The following COTL1 variants were observed in gnomAD, a reference collection of about 807,000 sequenced individuals.
COTL1 encodes the protein coactosin-like protein.
Under a neutral mutation model 16.5 loss-of-function variants are expected in COTL1, and 15 were observed. The ratio of observed to expected loss-of-function variants is 0.91; its 90% CI spans 0.61 to 1.40. The LOEUF (loss-of-function observed/expected upper bound fraction) is 1.40. Ranked by LOEUF, COTL1 falls within the 40% of genes most tolerant of loss-of-function variation. COTL1 has a pLI of 0.00. For synonymous variants in COTL1, 112 were observed against 85.3 expected (o/e 1.31, Z -1.73); for missense variants, 220 against 201.5 (o/e 1.09, Z -0.56).
intron 2 of COTL1, chr16:84,595,381 G>C (rs1904976725): frequency 6.6e-6 from 1 of 152,246 alleles, no homozygotes; most frequent in South Asian, 2.1e-4. Context: ...CTGAGTCGGA[G>C]ACGGAAAACC....
At chr16:84,597,318 A>AG (rs1360353387) in intron 2 of COTL1, among the ~76,000 whole-genome samples, 6 of 152,194 alleles carry the variant, frequency 3.9e-5, no homozygotes, top group African/African-American at 1.4e-4. Context: ...CTCCTCTGTG[A>AG]GGGCAGCACA....
At chr16:84,592,097 C>T (rs1387382530) in intron 2 of COTL1, among the ~76,000 whole-genome samples, 4 of 152,200 alleles carry the variant, frequency 2.6e-5, no homozygotes, top group Non-Finnish European at 5.9e-5. Context: ...AAAAATGCCT[C>T]CATACATTGC....
At chr16:84,582,092 A>G (rs1383526591) in intron 3 of COTL1, among the ~76,000 whole-genome samples, 1 of 147,368 alleles carries the variant, frequency 6.8e-6, no homozygotes, top group African/African-American at 2.5e-5. Context: ...GGTTCAAGCA[A>G]TTCTCGTGCC....
chr16:84,590,194 C>A lies in COTL1; in HGVS notation c.229G>T (p.Ala77Ser). Residue 77 changes from alanine to serine, a missense_variant, in exon 3 of 4, where the codon GCC (alanine) becomes TCC (serine). Coordinates refer to ENST00000262428, the MANE Select transcript of COTL1 (RefSeq NM_021149.5). This position sits in a 1 kb window ranked among gnomAD's most constrained non-coding sequence, Gnocchi z 5.5. ...TTCTCACCGATCCACGTGATGAGGG[C>A]AAACTTGGACCTCTTGCTCATGGCA... ...GDAMSKRSKFALITWIGENVS... is the reference protein window; with the variant it reads ...GDAMSKRSKFSLITWIGENVS... The A allele has an allele frequency of 6.2e-7, 1 of 1,614,214 alleles. No individual in the cohort carries two copies. The highest frequency in any genetic ancestry group is 8.5e-7 in the Non-Finnish European group (1 of 1,180,030).
intron 3 of COTL1, among the ~76,000 whole-genome samples, chr16:84,586,131 C>T (rs779590901): frequency 1.3e-5 from 2 of 152,148 alleles, no homozygotes; most frequent in Non-Finnish European, 2.9e-5. Context: ...TAGCATGGAC[C>T]GTTTCTTTGG....
chr16:84,588,296 G>A (rs975920614), intron 3 of COTL1, among the ~76,000 whole-genome samples: 2 of 151,956 alleles, frequency 1.3e-5, no homozygotes, highest in Non-Finnish European at 2.9e-5. Context: ...AGGTAGCACC[G>A]AGTTTCCATA....
chr16:84,597,937 G>A (rs946987679), intron 2 of COTL1, among the ~76,000 whole-genome samples: 7 of 152,156 alleles, frequency 4.6e-5, no homozygotes, highest in Non-Finnish European at 8.8e-5. Context: ...GTACCAGGAG[G>A]CCTTTCTGCC....
chr16:84,573,520 T>G (rs1012747282), intron 3 of COTL1, among the ~76,000 whole-genome samples: 1 of 152,144 alleles, frequency 6.6e-6, no homozygotes, highest in Non-Finnish European at 1.5e-5. Flanking sequence ...CAGTGGCTCA[T>G]GCCCAGCACT....
At chr16:84,587,874 A>G (rs571565776) in intron 3 of COTL1, among the ~76,000 whole-genome samples, 128 of 151,958 alleles carry the variant, frequency 8.4e-4, no homozygotes, top group Admixed American at 8.4e-3. Flanking sequence ...TGGTTTCAAG[A>G]GATTCTCCTG....
intron 2 of COTL1, among the ~76,000 whole-genome samples, chr16:84,614,185 C>T (rs1040925733): frequency 6.6e-6 from 1 of 152,248 alleles, no homozygotes; most frequent in African/African-American, 2.4e-5. Context: ...TTTCTCACCG[C>T]CCTCGCAAGG....
intron 3 of COTL1, among the ~76,000 whole-genome samples, chr16:84,572,745 T>C (rs1904360116): frequency 7.2e-6 from 1 of 139,642 alleles, no homozygotes; most frequent in South Asian, 2.2e-4. Flanking sequence ...TTGAATTTTC[T>C]TTCTTTCCTT....
rs150830534 is a variant in COTL1, at chr16:84,595,227, G to A, written c.161-4965C>T. ...GTGGGGGAGCGGGGTAAAGAGGGAC[G>A]TGGTTTGCTAGGTGACTGCTGCGTG... On this transcript the variant is annotated intron_variant, in intron 2 of 3. Transcript: ENST00000262428. 5.6e-3 allele frequency: 861 copies of A among 152,522 alleles called. 26 individuals are homozygous for A. The highest frequency in any genetic ancestry group is 0.038 in the Admixed American group (575 of 15,308). 9.4% of individuals were successfully genotyped at this position (152,522 alleles called of 1,614,324 possible). A position where few individuals can be genotyped will look rare whatever the true frequency, so the allele number is the denominator to read the frequency against.
chr16:84,614,322 G>C (rs1001781120), intron 2 of COTL1, among the ~76,000 whole-genome samples: 3 of 152,218 alleles, frequency 2.0e-5, no homozygotes, highest in African/African-American at 7.2e-5. Context: ...ACCCAGAGCA[G>C]GCAGAAAGAT....
rs551374903 is a variant in COTL1 at position 84,595,364 on chromosome 16, G to A, written c.161-5102C>T. The A allele has an allele frequency of 4.6e-5, 7 of 152,310 alleles. 1 individual carries two copies. The highest frequency in any genetic ancestry group is 4.1e-4 in the South Asian group (2 of 4,824). The allele number at this position is 152,310 out of a possible 1,614,324, so 9.4% of individuals were successfully genotyped here. ...GCTAGAGATCTGGCACGACAGTGAC[G>A]GGTCAGCTGAGTCGGAGACGGAAAA... On this transcript the variant is annotated intron_variant, in intron 2 of 3. Coordinates refer to ENST00000262428, the MANE Select transcript of COTL1 (RefSeq NM_021149.5).
At chr16:84,569,968 G>A (rs1460082174) in intron 3 of COTL1, among the ~76,000 whole-genome samples, 1 of 152,180 alleles carries the variant, frequency 6.6e-6, no homozygotes, top group African/African-American at 2.4e-5. Context: ...GCTATTAGAA[G>A]ATTTAGATTA....
intron 2 of COTL1, among the ~76,000 whole-genome samples, chr16:84,598,760 G>A (rs960738559): frequency 7.0e-6 from 1 of 143,158 alleles, no homozygotes; most frequent in Non-Finnish European, 1.5e-5. Context: ...GACCACACAA[G>A]GAGACCAAGC....
At chr16:84,589,297 T>G (rs961092619) in intron 3 of COTL1, among the ~76,000 whole-genome samples, 4 of 152,226 alleles carry the variant, frequency 2.6e-5, no homozygotes, top group African/African-American at 9.6e-5. Context: ...TTTTAAACGT[T>G]TGTTTTATCA....
At chr16:84,585,702 T>C (rs1291481549) in intron 3 of COTL1, among the ~76,000 whole-genome samples, 4 of 152,186 alleles carry the variant, frequency 2.6e-5, no homozygotes, top group African/African-American at 9.7e-5. Context: ...TGCATGGTTT[T>C]AGCGGCCGTG....
At chr16:84,613,163 C>T (rs1357609716) in intron 2 of COTL1, among the ~76,000 whole-genome samples, 1 of 152,014 alleles carries the variant, frequency 6.6e-6, no homozygotes, top group Non-Finnish European at 1.5e-5. Flanking sequence ...CCATGCCTGG[C>T]TAATTTTTGT....
Sources: allele counts gnomAD v4.1 joint callset (sites outside exome capture counted in the v4.1 genomes callset), GRCh38; gene constraint gnomAD v4.1.1; non-coding constraint Gnocchi (gnomAD v3.1); transcripts MANE v1.5; gene names NCBI Gene and HGNC (gene_info 2026-07-23, HGNC 2026-07-21).